Variants in SLC5A6 observed in about 807,000 individuals in gnomAD.
SLC5A6 encodes solute carrier family 5 member 6.
A neutral mutation model predicts 67.9 loss-of-function variants in SLC5A6; 31 were observed. The ratio of observed to expected loss-of-function variants is 0.46; its 90% CI spans 0.34 to 0.62. The LOEUF (loss-of-function observed/expected upper bound fraction) is 0.62. Ranked by LOEUF, SLC5A6 falls within the 20% of genes least tolerant of loss-of-function variation. The pLI, the probability that SLC5A6 is intolerant of heterozygous loss-of-function variation, is 0.01. For synonymous variants in SLC5A6, 343 were observed against 331.0 expected (o/e 1.04, Z -0.39); for missense variants, 673 against 812.8 (o/e 0.83, Z 2.09).
At position 27,202,712 on chromosome 2, in the gene SLC5A6, C is replaced by A; in HGVS notation, c.1275+101G>T. 3 of 1,018,230 alleles carry A rather than the reference C, an allele frequency of 2.9e-6. No homozygotes were observed. In the African/African-American group the frequency reaches 4.8e-5, roughly 16 times the overall value. 63.1% of individuals were successfully genotyped at this position (1,018,230 alleles called of 1,614,324 possible). On this transcript the variant is annotated intron_variant, in intron 12 of 16. Coordinates refer to ENST00000310574, the MANE Select transcript of SLC5A6 (RefSeq NM_021095.4). ...TCAAAGGGGAATCTCTTACGCCTGC[C>A]CCCCGGTCATTCCCCTCAATATAGC...
intron 12 of SLC5A6, 57 bp from the exon 13 acceptor site, chr2:27,202,131 A>G (rs1408031399): frequency 1.6e-6 from 2 of 1,244,168 alleles, no homozygotes; most frequent in East Asian, 4.7e-5. Context: ...AGATGCCCAG[A>G]CTCACCATAA....
chr2:27,205,890 A>G (rs1005584090), intron 6 of SLC5A6, 136 bp downstream of exon 6: 1 of 713,712 alleles, frequency 1.4e-6, no homozygotes, highest in Non-Finnish European at 2.4e-6. Context: ...AAATCCTATC[A>G]TAAATCTTAC....
chr2:27,212,409 C>G, upstream of SLC5A6: 1 of 1,552,518 alleles, frequency 6.4e-7, no homozygotes, highest in Non-Finnish European at 8.7e-7. Flanking sequence ...ACCCTGGTGC[C>G]CTGGGCTGCC....
intron 7 of SLC5A6, 99 bp downstream of exon 7, chr2:27,205,251 C>T (rs1420771961): frequency 1.6e-6 from 2 of 1,251,028 alleles, no homozygotes; most frequent in Non-Finnish European, 2.2e-6. Context: ...CCTCAGGCTT[C>T]CCAGTTTACC....
chr2:27,211,966 C>CCCCGCCCCCTGCCCGCCCCCTG lies in SLC5A6; in HGVS notation c.-208+32_-208+53dup, dbSNP rs564906282. ...AGCCCTGGCCGGGAGCCCGCGGGGG[C>CCCCGCCCCCTGCCCGCCCCCTG]CCCGCCCCCTGCCCGCCCCCTGCCC... On this transcript the variant is annotated intron_variant, in intron 1 of 16. Transcript: ENST00000310574. 2.5e-3 allele frequency: 1,199 copies of CCCCGCCCCCTGCCCGCCCCCTG among 475,366 alleles called. 9 individuals are homozygous for CCCCGCCCCCTGCCCGCCCCCTG. The highest frequency in any genetic ancestry group is 3.2e-3 in the Admixed American group (63 of 19,954). 29.4% of individuals were successfully genotyped at this position (475,366 alleles called of 1,614,324 possible). A position where few individuals can be genotyped will look rare whatever the true frequency, so the allele number is the denominator to read the frequency against.
rs969606138 is a variant in SLC5A6 at position 27,212,089 on chromosome 2, G to C, written c.-277C>G. The stretch of plus-strand genomic sequence containing the variant: ...CGGCGTCCGGACGCGGGGAACACCG[G>C]GCTGAGGGAGTCTGCAGTCGGCTCC... On this transcript the variant is annotated 5_prime_UTR_variant, in exon 1 of 17. Transcript: ENST00000310574. 3.6e-6 allele frequency: 5 copies of C among 1,397,680 alleles called. No homozygotes were observed. The highest frequency in any genetic ancestry group is 4.8e-6 in the Non-Finnish European group (5 of 1,048,430). The allele number at this position is 1,397,680 out of a possible 1,614,324, so 86.6% of individuals were successfully genotyped here.
At chr2:27,211,714 C>T (rs1227076173) in intron 1 of SLC5A6, 181 bp from the exon 2 acceptor site, 1 of 164,256 alleles carries the variant, frequency 6.1e-6, no homozygotes, top group Non-Finnish European at 1.3e-5. Context: ...CCCTCACCCT[C>T]GTTCTTTCTC....
At position 27,205,511 on chromosome 2, in the gene SLC5A6, G is replaced by A. The variant is rs757242369; in HGVS notation, c.580-7C>T. 6.2e-7 allele frequency: 1 copy of A among 1,614,122 alleles called. No homozygotes were observed. Among genetic ancestry groups the A allele is most frequent in the Non-Finnish European group, 8.5e-7 (1 of 1,179,998 alleles). ...TGACGGCCTTCAGCCCACCCTGCAA[G>A]GAAAGCACAGCAAACCTGCCACAGA... On this transcript the variant is annotated splice_region_variant and splice_polypyrimidine_tract_variant and intron_variant, in intron 6 of 16. Coordinates refer to ENST00000310574, the MANE Select transcript of SLC5A6 (RefSeq NM_021095.4).
rs1674127256 is a variant in SLC5A6 at position 27,207,028 on chromosome 2, G to A, written c.394-86C>T. 8 of 1,243,746 alleles carry A rather than the reference G, an allele frequency of 6.4e-6. No homozygotes were observed. Among genetic ancestry groups the A allele is most frequent in the Admixed American group, 3.4e-5 (2 of 59,484 alleles). The allele number at this position is 1,243,746 out of a possible 1,614,324, so 77.0% of individuals were successfully genotyped here. A position where few individuals can be genotyped will look rare whatever the true frequency, so the allele number is the denominator to read the frequency against. On this transcript the variant is annotated intron_variant, in intron 3 of 16. Transcript: ENST00000310574. This position sits in a 1 kb window ranked among gnomAD's most constrained non-coding sequence, Gnocchi z 5.5. ...TCCCTCAAGATGCTCAGGAACATGA[G>A]GGAATATCCAACCCATACCCACTCT...
chr2:27,201,755 G>A lies in SLC5A6; in HGVS notation c.1455C>T (p.Pro485=), dbSNP rs202069093. The A allele has an allele frequency of 3.4e-5, 55 of 1,614,060 alleles. 1 individual carries two copies. In the East Asian group the frequency reaches 1.1e-3, roughly 31 times the overall value. Residue 485 remains proline (P), a synonymous_variant, in exon 14 of 17, where the codon CCC becomes CCT. Transcript: ENST00000310574. ...AGAAGCTGGACCCATTAGAGGGAGAGGGTGGCATGCTGGAGCCCATGCTGG... is the reference window on the plus strand; with the variant it reads ...AGAAGCTGGACCCATTAGAGGGAGAAGGTGGCATGCTGGAGCCCATGCTGG... ...IVTSMGSSMP[P]SPSNGSSFSL... is the part of the protein sequence containing the mutation.
At position 27,200,161 on chromosome 2, in the gene SLC5A6, C is replaced by G; in HGVS notation, c.*275G>C. 3.0e-6 allele frequency: 1 copy of G among 329,760 alleles called. No individual in the cohort carries two copies. Among genetic ancestry groups the G allele is most frequent in the Non-Finnish European group, 5.5e-6 (1 of 180,942 alleles). 20.4% of individuals were successfully genotyped at this position (329,760 alleles called of 1,614,324 possible). On this transcript the variant is annotated 3_prime_UTR_variant, in exon 17 of 17. Coordinates refer to ENST00000310574, the MANE Select transcript of SLC5A6 (RefSeq NM_021095.4). ...GCCATTATCTTTTTCCCAGAGGATG[C>G]ACTTCCATCCCTATTTCTGGCATGA...
At chr2:27,212,438 G>C (rs1192395058), upstream of SLC5A6, 12 of 1,561,048 alleles carry the variant, frequency 7.7e-6, no homozygotes, top group African/African-American at 1.6e-4. Context: ...CCTCGCTCTG[G>C]GCGTGGAAAG....
intron 2 of SLC5A6, among the ~76,000 whole-genome samples, chr2:27,208,959 T>C (rs1674274456): frequency 6.6e-6 from 1 of 152,202 alleles, no homozygotes; most frequent in African/African-American, 2.4e-5. Context: ...AAGTTGAAAG[T>C]TGATTTTCTA....
intron 11 of SLC5A6, 104 bp from the exon 12 acceptor site, chr2:27,202,984 T>C: frequency 1.3e-6 from 2 of 1,560,726 alleles, no homozygotes; most frequent in South Asian, 2.4e-5. Context: ...TCTGTCTCTC[T>C]GGAAACAAAA....
rs1674579028 is a variant in SLC5A6, at chr2:27,212,121, CCG to C, written c.-311_-310del. 1.3e-6 allele frequency: 2 copies of C among 1,500,812 alleles called. No homozygotes were observed. Among genetic ancestry groups the C allele is most frequent in the African/African-American group, 2.9e-5 (2 of 68,724 alleles). 93.0% of individuals were successfully genotyped at this position (1,500,812 alleles called of 1,614,324 possible). On this transcript the variant is annotated 5_prime_UTR_variant, in exon 1 of 17. It removes the in-frame stop codon of an upstream open reading frame in the 5' UTR. Coordinates refer to ENST00000310574, the MANE Select transcript of SLC5A6 (RefSeq NM_021095.4). ...GGAGTCTGCAGTCGGCTCCGGGAAG[CCG>C]CGCGGCGACGGGGGAGGCCTTCACT...
In SLC5A6 at chr2:27,207,599, T is replaced by C. The variant is rs369532240; in HGVS notation, c.52A>G (p.Ser18Gly). ...ATGGAGAAGGTAGACATGCCCACGCTTGTGCCCGAGGTTGGGGAAAGAGGG... is the reference window on the plus strand; with the variant it reads ...ATGGAGAAGGTAGACATGCCCACGCCTGTGCCCGAGGTTGGGGAAAGAGGG... Reference protein sequence around the residue: ...SAPLSPTSGTSVGMSTFSIMD... With the variant: ...SAPLSPTSGTGVGMSTFSIMD... The change falls in exon 3 of 17, where the codon AGC becomes GGC. Residue 18 changes from serine (S) to glycine (G), a missense_variant. Coordinates refer to ENST00000310574, the MANE Select transcript of SLC5A6 (RefSeq NM_021095.4). This position sits in a 1 kb window ranked among gnomAD's most constrained non-coding sequence, Gnocchi z 5.5. The C allele has an allele frequency of 6.7e-5, 108 of 1,614,108 alleles. No homozygotes were observed. The highest frequency in any genetic ancestry group is 9.2e-5 in the Non-Finnish European group (108 of 1,180,036).
chr2:27,202,754 C>T, intron 12 of SLC5A6, 59 bp downstream of exon 12: 1 of 1,457,804 alleles, frequency 6.9e-7, no homozygotes, highest in Admixed American at 1.7e-5. Context: ...TCTCAACTTC[C>T]TGTTTCAATC....
chr2:27,208,780 C>T (rs1290016047), intron 2 of SLC5A6: 2 of 152,578 alleles, frequency 1.3e-5, no homozygotes, highest in Non-Finnish European at 2.9e-5. Context: ...TTCCAAATGG[C>T]CCTATCACCC....
rs1673895586 is a variant in SLC5A6, at chr2:27,204,447, C to T, written c.1005+14G>A. On this transcript the variant is annotated intron_variant, in intron 9 of 16. Transcript: ENST00000310574. ...CAGGCCTGCCCTCATGGGAACAGAA[C>T]AGCGCCTTCTCACCTGGTCTGGGGC... 15 of 1,608,466 alleles carry T rather than the reference C, an allele frequency of 9.3e-6. No individual in the cohort carries two copies. The highest frequency in any genetic ancestry group is 4.5e-5 in the East Asian group (2 of 44,852).
Sources: gnomAD v4.1 joint callset for allele counts (sites outside exome capture counted in the v4.1 genomes callset) on GRCh38, gnomAD v4.1.1 for gene constraint, Gnocchi (gnomAD v3.1) non-coding constraint, MANE v1.5 for transcripts, NCBI Gene and HGNC (gene_info 2026-07-23, HGNC 2026-07-21) for gene names.